Variants in BRWD1 observed in about 807,000 individuals in gnomAD.
BRWD1 encodes the protein bromodomain and WD repeat domain containing 1, also known as bromodomain and WD repeat-containing protein 1.
BRWD1 carries 82 observed loss-of-function variants against 251.2 expected under a neutral mutation model. That is an observed-to-expected ratio of 0.33 (90% confidence interval 0.27 to 0.39). The LOEUF is 0.39. BRWD1 is among the 10% of genes least tolerant of loss of function. The probability of loss-of-function intolerance (pLI) is 1.00; values close to 1 mark genes in which losing one functional copy is unlikely to be tolerated. For synonymous variants in BRWD1, 918 were observed against 902.8 expected, an observed-to-expected ratio of 1.02 and a Z score of -0.30; for missense variants, 2,233 against 2,711.6, an observed-to-expected ratio of 0.82 and a Z score of 3.92.
chr21:39,207,028 G>A (rs143586514), intron 36 of BRWD1, among the ~76,000 whole-genome samples: 17 of 152,230 alleles, frequency 1.1e-4, no homozygotes, highest in African/African-American at 3.1e-4. Flanking sequence ...TGAGATATAC[G>A]AATTTCTTAC....
intron 36 of BRWD1, among the ~76,000 whole-genome samples, chr21:39,207,967 C>T (rs2032484935): frequency 1.3e-5 from 2 of 152,074 alleles, no homozygotes; most frequent in South Asian, 2.1e-4. Flanking sequence ...AATTCAGACA[C>T]CGAAAGTTAG....
At position 39,192,904 on chromosome 21, in the gene BRWD1, T is replaced by C; in HGVS notation, c.*3355A>G. ...TATTTTTAATATCAAACAGGGAGGT[T>C]AGTAAATTGTTTTCTGATTCTTCTA... On this transcript the variant is annotated 3_prime_UTR_variant, in exon 41 of 41. Transcript: ENST00000342449. 1 of 977,514 alleles carries C rather than the reference T, an allele frequency of 1.0e-6. No individual in the cohort carries two copies. Among genetic ancestry groups the C allele is most frequent in the Non-Finnish European group, 1.2e-6 (1 of 827,018 alleles). The allele number at this position is 977,514 out of a possible 1,614,324, so 60.6% of individuals were successfully genotyped here. A position where few individuals can be genotyped will look rare whatever the true frequency, so the allele number is the denominator to read the frequency against.
chr21:39,190,892 AC>A lies in BRWD1; in HGVS notation c.*5366del. On this transcript the variant is annotated 3_prime_UTR_variant, in exon 41 of 41. Coordinates refer to ENST00000342449, the MANE Select transcript of BRWD1 (RefSeq NM_033656.4). ...AGGGTTCATTTACTCAATGATGGGCACCACACAACTCTGAATTTTTGTTCTT... is the reference window on the plus strand; with the variant it reads ...AGGGTTCATTTACTCAATGATGGGCACACACAACTCTGAATTTTTGTTCTT... The A allele has an allele frequency of 1.0e-6, 1 of 985,376 alleles. No homozygotes were observed. Among genetic ancestry groups the A allele is most frequent in the Non-Finnish European group, 1.2e-6 (1 of 829,894 alleles). 61.0% of individuals were successfully genotyped at this position (985,376 alleles called of 1,614,324 possible). A position where few individuals can be genotyped will look rare whatever the true frequency, so the allele number is the denominator to read the frequency against.
At position 39,189,121 on chromosome 21, in the gene BRWD1, C is replaced by T. The variant is rs1386258869; in HGVS notation, c.*7138G>A. 1.0e-6 allele frequency: 1 copy of T among 984,022 alleles called. No individual in the cohort carries two copies. The highest frequency in any genetic ancestry group is 1.2e-6 in the Non-Finnish European group (1 of 828,856). The allele number at this position is 984,022 out of a possible 1,614,324, so 61.0% of individuals were successfully genotyped here. On this transcript the variant is annotated 3_prime_UTR_variant, in exon 41 of 41. Coordinates refer to ENST00000342449, the MANE Select transcript of BRWD1 (RefSeq NM_033656.4). ...CACATTAAATCAATGTTAGCAAATG[C>T]TAAAATGTAAATATGCTACAAAGGG...
intron 4 of BRWD1, among the ~76,000 whole-genome samples, chr21:39,310,931 G>C (rs1257252924): frequency 6.6e-6 from 1 of 152,040 alleles, no homozygotes; most frequent in Non-Finnish European, 1.5e-5. Flanking sequence ...ATTAACAAAA[G>C]AATAATTCTC....
chr21:39,320,754 T>G lies in BRWD1; in HGVS notation n.534+272A>C, dbSNP rs539266071. ...GGCATGATCTCGGCTCACTACACCC[T>G]CCGCCTCCCAGGTTCAAGCAATTCT... On this transcript the variant is annotated intron_variant and non_coding_transcript_variant, in intron 1 of 4. Transcript: ENST00000470108. Among the ~76,000 whole-genome samples, 3 of 140,628 alleles carry G rather than the reference T, an allele frequency of 2.1e-5. No homozygotes were observed. In the Admixed American group the frequency reaches 2.3e-4, roughly 11 times the overall value. The allele number at this position is 140,628 out of a possible 152,430, so 92.3% of individuals were successfully genotyped here. A position where few individuals can be genotyped will look rare whatever the true frequency, so the allele number is the denominator to read the frequency against.
rs564162233 is a variant in BRWD1, at chr21:39,268,920, G to A, written c.1530+979C>T. Among the ~76,000 whole-genome samples the A allele has an allele frequency of 2.7e-4, 41 of 152,178 alleles. No individual in the cohort carries two copies. In the South Asian group the frequency reaches 3.5e-3, roughly 13 times the overall value. On this transcript the variant is annotated intron_variant, in intron 15 of 40. Coordinates refer to ENST00000342449, the MANE Select transcript of BRWD1 (RefSeq NM_033656.4). ...GGAGAATAGCGTGAACCCGGGAGGC[G>A]GAGCTTGCAGTGAGTTGAGATTGCG...
At chr21:39,261,308 T>C (rs1035595189) in intron 17 of BRWD1, among the ~76,000 whole-genome samples, 2 of 152,184 alleles carry the variant, frequency 1.3e-5, no homozygotes, top group Non-Finnish European at 1.5e-5. Context: ...AAAAAAGCAG[T>C]TGCACAAAAA....
At chr21:39,210,964 A>T in intron 34 of BRWD1, 35 bp from the exon 35 acceptor site, 1 of 1,595,908 alleles carries the variant, frequency 6.3e-7, no homozygotes, top group Non-Finnish European at 8.5e-7. Flanking sequence ...GAAAAATCAC[A>T]CTATTGGTGT....
chr21:39,232,231 A>G lies in BRWD1; in HGVS notation c.2946T>C (p.Asn982=), dbSNP rs1434012973. The G allele has an allele frequency of 2.5e-6, 4 of 1,613,582 alleles. No individual in the cohort carries two copies. The South Asian group carries it at 3.3e-5, about 13-fold the overall frequency. ...HEAYIEAVRR[N]NIYELNPNKE... ...TATTAGGGTTCAGTTCATAAATATT[A>G]TTTCTTCTTACAGCCTCAATATAAG... The change falls in exon 25 of 41, where the codon AAT becomes AAC. Residue 982 remains asparagine, a synonymous_variant. Coordinates refer to ENST00000342449, the MANE Select transcript of BRWD1 (RefSeq NM_033656.4).
At chr21:39,292,234 T>TGAGCCATCGCTAGGCAC (rs2035838079) in intron 8 of BRWD1, among the ~76,000 whole-genome samples, 1 of 151,424 alleles carries the variant, frequency 6.6e-6, no homozygotes, top group Non-Finnish European at 1.5e-5. Context: ...ATTATAGGCA[T>TGAGCCATCGCTAGGCAC]GAGCCATCGC....
chr21:39,243,686 A>T (rs957024803), intron 21 of BRWD1, among the ~76,000 whole-genome samples: 1 of 152,074 alleles, frequency 6.6e-6, no homozygotes, highest in African/African-American at 2.4e-5. Context: ...CCTGGGCTCA[A>T]GCCATCCTCC....
intron 11 of BRWD1, among the ~76,000 whole-genome samples, chr21:39,276,737 T>C (rs1339813953): frequency 7.6e-6 from 1 of 131,064 alleles, no homozygotes; most frequent in Non-Finnish European, 1.6e-5. Context: ...AATCACATTC[T>C]TATTTCATGG....
At chr21:39,241,473 T>TAAAAAAAAAA (rs61488970) in intron 21 of BRWD1, among the ~76,000 whole-genome samples, 2 of 44,896 alleles carry the variant, frequency 4.5e-5, no homozygotes, top group African/African-American at 7.0e-5. Flanking sequence ...ATCTCCAAAG[T>TAAAAAAAAAA]AAAAAAAAAA....
intron 27 of BRWD1, among the ~76,000 whole-genome samples, 158 bp downstream of exon 27, chr21:39,228,342 C>G (rs1401763381): frequency 6.6e-6 from 1 of 152,058 alleles, no homozygotes; most frequent in Non-Finnish European, 1.5e-5. Flanking sequence ...TCAGTAAGTA[C>G]CAAGCCGTAA....
rs568058055 is a variant in BRWD1, at chr21:39,303,853, G to C, written c.199-5271C>G. On this transcript the variant is annotated intron_variant, in intron 4 of 40. Transcript: ENST00000342449. ...AAAAAAGAAAAAGAAAAGAAATACA[G>C]AGTAGTTGCCAGGCGCAGTGGCTCA... 2.6e-5 allele frequency among the ~76,000 whole-genome samples: 4 copies of C among 151,378 alleles called. No homozygotes were observed. In the South Asian group the frequency reaches 6.3e-4, roughly 24 times the overall value.
intron 4 of BRWD1, among the ~76,000 whole-genome samples, chr21:39,307,472 T>C (rs1568978230): frequency 1.3e-5 from 2 of 152,192 alleles, no homozygotes; most frequent in Admixed American, 1.3e-4. Context: ...TTTGTATGTA[T>C]ATATTGCACA....
intron 8 of BRWD1, among the ~76,000 whole-genome samples, chr21:39,287,508 CTTGT>C (rs1455211056): frequency 6.6e-6 from 1 of 152,062 alleles, no homozygotes; most frequent in Non-Finnish European, 1.5e-5. Flanking sequence ...CTTTTTGTGT[CTTGT>C]TTTTCTCTGT....
At position 39,188,161 on chromosome 21, in the gene BRWD1, G is replaced by A; in HGVS notation, c.*8098C>T. The A allele has an allele frequency of 1.0e-6, 1 of 985,356 alleles. No homozygotes were observed. Among genetic ancestry groups the A allele is most frequent in the Non-Finnish European group, 1.2e-6 (1 of 829,900 alleles). 61.0% of individuals were successfully genotyped at this position (985,356 alleles called of 1,614,324 possible). On this transcript the variant is annotated 3_prime_UTR_variant, in exon 41 of 41. Coordinates refer to ENST00000342449, the MANE Select transcript of BRWD1 (RefSeq NM_033656.4). Reference sequence around the variant, plus strand: ...CAAATTTCACAAACAAGTCTAATTAGTACTCTTCTAGAACAGAAGTGATAT... The same window carrying A: ...CAAATTTCACAAACAAGTCTAATTAATACTCTTCTAGAACAGAAGTGATAT...
Sources: allele counts gnomAD v4.1 joint callset (sites outside exome capture counted in the v4.1 genomes callset), GRCh38; gene constraint gnomAD v4.1.1; transcripts MANE v1.5; gene names NCBI Gene and HGNC (gene_info 2026-07-23, HGNC 2026-07-21).